The following CHD2 variants were observed in gnomAD, a reference collection of about 807,000 sequenced individuals.
CHD2 encodes the protein chromodomain helicase DNA binding protein 2.
A neutral mutation model predicts 243.9 loss-of-function variants in CHD2; 28 were observed. The observed-to-expected ratio is 0.11, with a 90% confidence interval of 0.09 to 0.16. The LOEUF is 0.16. Among genes scored for constraint, CHD2 ranks in the 10% least tolerant of loss-of-function variants. The pLI is 1.00. For missense variants in CHD2, 1,386 were observed against 2,209.8 expected (o/e 0.63, Z 7.47); for synonymous variants, 775 against 779.0 (o/e 0.99, Z 0.09).
In CHD2 at chr15:92,978,394, A is replaced by G; in HGVS notation, c.2727+11A>G. 6.2e-7 allele frequency: 1 copy of G among 1,611,248 alleles called. No individual in the cohort carries two copies. Among genetic ancestry groups the G allele is most frequent in the Non-Finnish European group, 8.5e-7 (1 of 1,178,148 alleles). On this transcript the variant is annotated intron_variant, in intron 21 of 38. Transcript: ENST00000394196. ...GGTCAAAAGAAGCAGGTCAGTATGG[A>G]GAGGCTTCTGGAAATTGCTTTAGGG...
intron 20 of CHD2, among the ~76,000 whole-genome samples, chr15:92,977,328 T>A (rs1259649492): frequency 6.6e-6 from 1 of 152,228 alleles, no homozygotes; most frequent in African/African-American, 2.4e-5. Context: ...TGTTGTTGAA[T>A]GTGACTATTA....
In CHD2 at chr15:92,998,874, G is replaced by T. The variant is rs1347346922; in HGVS notation, c.4008+253G>T. Among the ~76,000 whole-genome samples, 8 of 151,994 alleles carry T rather than the reference G, an allele frequency of 5.3e-5. No homozygotes were observed. The highest frequency in any genetic ancestry group is 2.9e-5 in the Non-Finnish European group (2 of 67,978). Reference sequence around the variant, plus strand: ...TGAGGCGGGCGGATCACAAGGTCAGGAGATTGAGACCATCCTGGCTAATAT... The same window carrying T: ...TGAGGCGGGCGGATCACAAGGTCAGTAGATTGAGACCATCCTGGCTAATAT... On this transcript the variant is annotated intron_variant, in intron 31 of 38. Transcript: ENST00000394196. The surrounding 1 kb of genome is among the most constrained non-coding windows in gnomAD (Gnocchi z 5.1).
chr15:92,992,894 A>G lies in CHD2; in HGVS notation c.3491A>G (p.Asp1164Gly). ...ECIARDAELV[D>G]KSVADLKRLG... ...ATAGCACGTGATGCTGAGCTGGTAG[A>G]TAAGTCGGTGGCAGATCTGAAGCGC... is the stretch of plus-strand genomic sequence containing the variant. The change falls in exon 28 of 39, where the codon GAT (aspartate) becomes GGT (glycine). Residue 1164 changes from aspartate (D) to glycine (G), a missense_variant. By Grantham distance (94) the Asp-to-Gly change is moderately conservative. Around this residue, in one of 19 missense-constraint regions of CHD2, gnomAD observed 13 missense variants for 57.6 expected, o/e 0.23. Coordinates refer to ENST00000394196, the MANE Select transcript of CHD2 (RefSeq NM_001271.4). 1.2e-6 allele frequency: 2 copies of G among 1,614,060 alleles called. No homozygotes were observed. The highest frequency in any genetic ancestry group is 1.1e-5 in the South Asian group (1 of 91,082).
At chr15:92,951,289 G>A (rs1329253843) in intron 13 of CHD2, among the ~76,000 whole-genome samples, 6 of 152,110 alleles carry the variant, frequency 3.9e-5, no homozygotes, top group Admixed American at 2.0e-4. Flanking sequence ...TCCTGCCTCA[G>A]GCTCTTGAGT....
chr15:92,953,260 G>A, intron 13 of CHD2, 97 bp from the exon 14 acceptor site: 1 of 905,440 alleles, frequency 1.1e-6, no homozygotes, highest in Non-Finnish European at 1.7e-6. Context: ...TTGCTTGGCT[G>A]TTATTGTGAA....
chr15:93,010,074 C>T (rs2054371405), intron 35 of CHD2, among the ~76,000 whole-genome samples: 1 of 152,178 alleles, frequency 6.6e-6, no homozygotes. Context: ...CCTTTGCATC[C>T]AATGTTTGGT....
At chr15:92,920,300 C>T (rs1402612900) in intron 2 of CHD2, among the ~76,000 whole-genome samples, 1 of 152,120 alleles carries the variant, frequency 6.6e-6, no homozygotes, top group East Asian at 1.9e-4. Context: ...TACAAATACT[C>T]TACTCAGAAA....
At chr15:92,962,972 T>C (rs754127936) in intron 16 of CHD2, among the ~76,000 whole-genome samples, 1 of 152,232 alleles carries the variant, frequency 6.6e-6, no homozygotes, top group Non-Finnish European at 1.5e-5. Context: ...TTCTGATTCC[T>C]GTTTGCATGA....
At chr15:92,928,268 GT>G (rs1319991271) in intron 4 of CHD2, among the ~76,000 whole-genome samples, 2 of 152,186 alleles carry the variant, frequency 1.3e-5, no homozygotes, top group East Asian at 1.9e-4. Flanking sequence ...CTCGCACTAG[GT>G]TACTGAGCCA....
Position 93,024,747 on chromosome 15 carries a change from T to G in CHD2, c.*42T>G, listed in dbSNP as rs1398223375. 6.5e-7 allele frequency: 1 copy of G among 1,527,610 alleles called. No homozygotes were observed. Among genetic ancestry groups the G allele is most frequent in the Non-Finnish European group, 8.9e-7 (1 of 1,128,328 alleles). 94.6% of individuals were successfully genotyped at this position (1,527,610 alleles called of 1,614,324 possible). ...GAGAGAGTAAGAGTCACCAAACACG[T>G]GGATATTTTTGGTCTGATCCTACAG... On this transcript the variant is annotated 3_prime_UTR_variant, in exon 39 of 39. Coordinates refer to ENST00000394196, the MANE Select transcript of CHD2 (RefSeq NM_001271.4).
At chr15:93,022,595 G>A (rs190174703) in intron 38 of CHD2, among the ~76,000 whole-genome samples, 51 of 152,296 alleles carry the variant, frequency 3.3e-4, no homozygotes, top group Non-Finnish European at 6.3e-4. Context: ...GCCTTGGGTA[G>A]TTTCCCCACA....
intron 32 of CHD2, among the ~76,000 whole-genome samples, chr15:93,000,949 A>C (rs1422515465): frequency 1.3e-5 from 2 of 152,118 alleles, no homozygotes; most frequent in South Asian, 2.1e-4. Context: ...GCTCGCTGCA[A>C]TCTCTGCCTC....
intron 2 of CHD2, among the ~76,000 whole-genome samples, chr15:92,914,203 C>T (rs1297962694): frequency 1.3e-5 from 2 of 152,154 alleles, no homozygotes; most frequent in Non-Finnish European, 2.9e-5. Context: ...AAATACATTG[C>T]CCGAGGTGGT....
rs1364892208 is a variant in CHD2, at chr15:93,026,807, TG to T, written c.*2105del. ...AGCCCTTGAGCGTTGGGAGATGGGG[TG>T]GGAAGGAGGTGAGCCCCTGCAGAGA... On this transcript the variant is annotated 3_prime_UTR_variant, in exon 39 of 39. Coordinates refer to ENST00000394196, the MANE Select transcript of CHD2 (RefSeq NM_001271.4). The T allele has an allele frequency of 3.3e-5, 5 of 151,728 alleles. No individual in the cohort carries two copies. Among genetic ancestry groups the T allele is most frequent in the Admixed American group, 3.3e-4 (5 of 15,250 alleles). 9.4% of individuals were successfully genotyped at this position (151,728 alleles called of 1,614,324 possible). A position where few individuals can be genotyped will look rare whatever the true frequency, so the allele number is the denominator to read the frequency against.
At chr15:93,017,418 C>T (rs550697699) in intron 37 of CHD2, among the ~76,000 whole-genome samples, 8 of 151,860 alleles carry the variant, frequency 5.3e-5, no homozygotes, top group Admixed American at 2.0e-4. Flanking sequence ...CTCCACCTCC[C>T]GGGTTCAAGC....
chr15:92,932,868 G>C (rs1487982796), intron 5 of CHD2, among the ~76,000 whole-genome samples: 1 of 139,842 alleles, frequency 7.2e-6, no homozygotes, highest in Non-Finnish European at 1.6e-5. Flanking sequence ...TCATCCTCCT[G>C]AGTAGCTGGG....
intron 5 of CHD2, among the ~76,000 whole-genome samples, chr15:92,931,086 G>C (rs974144810): frequency 6.6e-6 from 1 of 152,164 alleles, no homozygotes; most frequent in Non-Finnish European, 1.5e-5. Flanking sequence ...AGCCTTCTGT[G>C]ATCCAAGCTG....
intron 37 of CHD2, among the ~76,000 whole-genome samples, chr15:93,016,200 CAACA>C (rs1446669431): frequency 6.6e-6 from 1 of 152,082 alleles, no homozygotes; most frequent in Non-Finnish European, 1.5e-5. Context: ...CTGTCGTTCG[CAACA>C]ACATGGTTGA....
chr15:92,987,665 T>A (rs1366099295), intron 26 of CHD2, among the ~76,000 whole-genome samples: 1 of 152,052 alleles, frequency 6.6e-6, no homozygotes, highest in Non-Finnish European at 1.5e-5. Flanking sequence ...ATATTTTTTC[T>A]GCCAATCTCT....
Sources: gnomAD v4.1 joint callset for allele counts (sites outside exome capture counted in the v4.1 genomes callset) on GRCh38, gnomAD v4.1.1 for gene constraint, gnomAD v4.1.1 regional missense constraint, Gnocchi (gnomAD v3.1) non-coding constraint, MANE v1.5 for transcripts, NCBI Gene and HGNC (gene_info 2026-07-23, HGNC 2026-07-21) for gene names.